Variants in RAD18 observed in about 807,000 individuals in gnomAD.
RAD18 encodes RAD18 E3 ubiquitin protein ligase.
RAD18 carries 47 observed loss-of-function variants against 60.4 expected under a neutral mutation model. The ratio of observed to expected loss-of-function variants is 0.78; its 90% CI spans 0.62 to 0.99. The LOEUF is 0.99. Among genes scored for constraint, RAD18 ranks in the 50% least tolerant of loss-of-function variants. RAD18 has a pLI of 0.00. For missense variants in RAD18, 640 were observed against 593.3 expected (o/e 1.08, Z -0.82); for synonymous variants, 225 against 195.5 (o/e 1.15, Z -1.26).
chr3:8,894,396 A>G lies in RAD18; in HGVS notation c.1323-3945T>C, dbSNP rs115462247. The stretch of plus-strand genomic sequence containing the variant: ...GCAACAATAAGTTTACGTTCTATTT[A>G]CAAAGCATTCACAATATATGATCAT... On this transcript the variant is annotated intron_variant, in intron 11 of 12. Transcript: ENST00000264926. Among the ~76,000 whole-genome samples the G allele has an allele frequency of 6.2e-3, 942 of 152,372 alleles. 10 individuals carry two copies. The highest frequency in any genetic ancestry group is 0.021 in the African/African-American group (885 of 41,592).
chr3:8,920,608 G>T (rs555820934), intron 7 of RAD18, among the ~76,000 whole-genome samples: 1 of 152,280 alleles, frequency 6.6e-6, no homozygotes, highest in African/African-American at 2.4e-5. Context: ...TCACAAATGA[G>T]GGGTACACAG....
chr3:8,920,258 G>A (rs1467802817), intron 7 of RAD18, among the ~76,000 whole-genome samples: 3 of 128,712 alleles, frequency 2.3e-5, no homozygotes, highest in African/African-American at 9.2e-5. Flanking sequence ...CAGCCTGGAC[G>A]ACAGAGCGAG....
At chr3:8,959,811 G>C (rs1308280850) in intron 1 of RAD18, among the ~76,000 whole-genome samples, 1 of 151,544 alleles carries the variant, frequency 6.6e-6, no homozygotes, top group Non-Finnish European at 1.5e-5. Context: ...GAGTCCAGGA[G>C]GCGTAGGTTG....
At chr3:8,921,829 AT>A (rs1559778508) in intron 7 of RAD18, among the ~76,000 whole-genome samples, 1 of 152,230 alleles carries the variant, frequency 6.6e-6, no homozygotes, top group African/African-American at 2.4e-5. Context: ...CTTCTTTTCC[AT>A]TTTTTATTTA....
At position 8,963,401 on chromosome 3, in the gene RAD18, TGCTGGGGGTCA is replaced by T; in HGVS notation, c.-27_-17del. 6.3e-7 allele frequency: 1 copy of T among 1,578,408 alleles called. No homozygotes were observed. Among genetic ancestry groups the T allele is most frequent in the Non-Finnish European group, 8.6e-7 (1 of 1,161,038 alleles). The stretch of plus-strand genomic sequence containing the variant: ...GGGAGTCCATGGTCGCTCCCGAGGA[TGCTGGGGGTCA>T]GCCACCCACTAGCCTCCGGCGCTCC... On this transcript the variant is annotated 5_prime_UTR_variant, in exon 1 of 13. Transcript: ENST00000264926.
chr3:8,939,507 GA>G, intron 6 of RAD18, 46 bp downstream of exon 6: 7 of 1,481,378 alleles, frequency 4.7e-6, no homozygotes, highest in Non-Finnish European at 6.6e-6. Context: ...GTAAGCACAA[GA>G]GGCACCCAGC....
At chr3:8,889,309 A>C (rs975166137) in intron 12 of RAD18, among the ~76,000 whole-genome samples, 9 of 152,144 alleles carry the variant, frequency 5.9e-5, no homozygotes, top group African/African-American at 2.2e-4. Flanking sequence ...CTGGAGACTT[A>C]CCCCTTTGAG....
rs762111439 is a variant in RAD18, at chr3:8,890,339, T to C, written c.1385+50A>G. On this transcript the variant is annotated intron_variant, in intron 12 of 12. Coordinates refer to ENST00000264926, the MANE Select transcript of RAD18 (RefSeq NM_020165.4). ...TTTGAAAATCAGCTGCATAGAAGTA[T>C]AATTTCTCAGGTCAAAGTGCATGCT... 85 of 1,398,532 alleles carry C rather than the reference T, an allele frequency of 6.1e-5. 3 individuals are homozygous for C. In the South Asian group the frequency reaches 9.7e-4, roughly 16 times the overall value. 86.6% of individuals were successfully genotyped at this position (1,398,532 alleles called of 1,614,324 possible).
intron 7 of RAD18, among the ~76,000 whole-genome samples, chr3:8,923,577 C>T (rs1455572511): frequency 6.6e-6 from 1 of 152,004 alleles, no homozygotes; most frequent in Non-Finnish European, 1.5e-5. Flanking sequence ...CACAGAGATA[C>T]TCCTCGAGAA....
chr3:8,884,644 TC>T (rs1408853443), intron 12 of RAD18, among the ~76,000 whole-genome samples: 1 of 152,300 alleles, frequency 6.6e-6, no homozygotes, highest in East Asian at 1.9e-4. Flanking sequence ...TTTCCATGTT[TC>T]CCCTCTTTGA....
At chr3:8,957,115 T>G in intron 2 of RAD18, among the ~76,000 whole-genome samples, 1 of 152,168 alleles carries the variant, frequency 6.6e-6, no homozygotes, top group Non-Finnish European at 1.5e-5. Context: ...AGACGAAAGG[T>G]CAATATAAGT....
Position 8,959,014 on chromosome 3 carries a change from T to C in RAD18, c.52-13A>G. On this transcript the variant is annotated splice_polypyrimidine_tract_variant and intron_variant, in intron 1 of 12. Transcript: ENST00000264926. ...AATCATCTATTGTCTGAAATGCAAA[T>C]ATGCATATATACATATCAGAAAGAC... 4.4e-6 allele frequency: 7 copies of C among 1,606,078 alleles called. No homozygotes were observed. Among genetic ancestry groups the C allele is most frequent in the Non-Finnish European group, 6.0e-6 (7 of 1,172,870 alleles).
chr3:8,942,066 C>G (rs951700742), intron 4 of RAD18, among the ~76,000 whole-genome samples: 1 of 152,058 alleles, frequency 6.6e-6, no homozygotes, highest in African/African-American at 2.4e-5. Context: ...TAATCTCCAA[C>G]CATAAGTAAC....
chr3:8,947,191 T>C (rs369449473), intron 4 of RAD18, 29 bp downstream of exon 4: 447 of 1,529,112 alleles, frequency 2.9e-4, no homozygotes, highest in Non-Finnish European at 3.8e-4. Flanking sequence ...CAAAAGTAGT[T>C]AGAGGTTAGT....
chr3:8,912,843 C>T (rs6772570), intron 8 of RAD18, among the ~76,000 whole-genome samples: 9,286 of 152,108 alleles, frequency 0.061, 911 homozygotes, highest in African/African-American at 0.21. Context: ...CCTCTAGGTC[C>T]ACTTTTTAAA....
intron 12 of RAD18, chr3:8,890,161 C>A: frequency 1.9e-6 from 1 of 524,496 alleles, no homozygotes; most frequent in Non-Finnish European, 3.4e-6. Context: ...AACAATTTAT[C>A]CATACAGAAA....
chr3:8,881,348 A>G lies in RAD18; in HGVS notation c.*9T>C. ...ATCAATGCATTTGAAAAGTCAGCAA[A>G]AGCCCACATTAATTCCTATTACGCT... On this transcript the variant is annotated 3_prime_UTR_variant, in exon 13 of 13. Transcript: ENST00000264926. The G allele has an allele frequency of 6.3e-7, 1 of 1,582,286 alleles. No homozygotes were observed. Among genetic ancestry groups the G allele is most frequent in the Non-Finnish European group, 8.7e-7 (1 of 1,153,450 alleles).
chr3:8,943,576 G>C (rs531787), intron 4 of RAD18, among the ~76,000 whole-genome samples: 25,080 of 151,666 alleles, frequency 0.17, 2,312 homozygotes, highest in East Asian at 0.42. Context: ...TAAAAGCCCA[G>C]AAGGAACAGA....
At chr3:8,922,762 A>T (rs1940347756) in intron 7 of RAD18, among the ~76,000 whole-genome samples, 1 of 152,104 alleles carries the variant, frequency 6.6e-6, no homozygotes, top group Non-Finnish European at 1.5e-5. Context: ...GTTCACCAAT[A>T]TTTGCTGTTC....
Sources: gnomAD v4.1 joint callset for allele counts (sites outside exome capture counted in the v4.1 genomes callset) on GRCh38, gnomAD v4.1.1 for gene constraint, MANE v1.5 for transcripts, NCBI Gene and HGNC (gene_info 2026-07-23, HGNC 2026-07-21) for gene names.